SDCCAG8: variants seen among roughly 807,000 people sequenced by gnomAD.
SDCCAG8 encodes the protein serologically defined colon cancer antigen 8.
A neutral mutation model predicts 101.8 loss-of-function variants in SDCCAG8; 74 were observed. The ratio of observed to expected loss-of-function variants is 0.73; its 90% CI spans 0.60 to 0.88. The LOEUF is 0.88. SDCCAG8 is among the 40% of genes least tolerant of loss of function. The probability of loss-of-function intolerance (pLI) is 0.00; values close to 1 mark genes in which losing one functional copy is unlikely to be tolerated. For synonymous variants in SDCCAG8, 281 were observed against 292.9 expected (o/e 0.96, Z 0.41); for missense variants, 787 against 822.6 (o/e 0.96, Z 0.53).
At chr1:243,394,625 AG>A (rs2078924863) in intron 13 of SDCCAG8, among the ~76,000 whole-genome samples, 1 of 152,244 alleles carries the variant, frequency 6.6e-6, no homozygotes, top group Non-Finnish European at 1.5e-5. Flanking sequence ...TTAGAAAAAC[AG>A]AACTGCAAGT....
intron 16 of SDCCAG8, among the ~76,000 whole-genome samples, chr1:243,483,088 C>G (rs759449916): frequency 2.0e-5 from 3 of 152,220 alleles, no homozygotes; most frequent in Non-Finnish European, 4.4e-5. Context: ...TGCACTCTCT[C>G]AAAACGACAG....
intron 6 of SDCCAG8, among the ~76,000 whole-genome samples, chr1:243,296,332 C>G (rs1252673628): frequency 6.6e-6 from 1 of 152,058 alleles, no homozygotes; most frequent in African/African-American, 2.4e-5. Flanking sequence ...TCTTTAATAG[C>G]TCCCATAAAG....
chr1:243,267,104 G>A (rs940279167), intron 1 of SDCCAG8, among the ~76,000 whole-genome samples: 1 of 152,014 alleles, frequency 6.6e-6, no homozygotes, highest in African/African-American at 2.4e-5. Flanking sequence ...TTAGCTGCGC[G>A]TGGTGGCGTG....
chr1:243,385,558 C>T (rs187325246), intron 13 of SDCCAG8, among the ~76,000 whole-genome samples: 5 of 152,080 alleles, frequency 3.3e-5, no homozygotes, highest in African/African-American at 9.7e-5. Context: ...AAGGGCATTC[C>T]GTGTAGGGGA....
At chr1:243,459,522 G>A (rs1658606220) in intron 16 of SDCCAG8, among the ~76,000 whole-genome samples, 1 of 152,092 alleles carries the variant, frequency 6.6e-6, no homozygotes, top group Non-Finnish European at 1.5e-5. Context: ...GTGGGGGGTG[G>A]AAATAATTGT....
At chr1:243,295,936 G>T (rs988563746) in intron 6 of SDCCAG8, among the ~76,000 whole-genome samples, 3 of 151,954 alleles carry the variant, frequency 2.0e-5, no homozygotes, top group Non-Finnish European at 4.4e-5. Flanking sequence ...TTTTCCAAGG[G>T]TTTCATTCTG....
Position 243,330,548 on chromosome 1 carries a change from C to G in SDCCAG8, c.1077C>G (p.Ile359Met). Reference sequence around the variant, plus strand: ...CTGTTCTATCCTGGCAGGCTTTAATCCAGTGTGACCAGTTGAGGAAGGAGC... The same window carrying G: ...CTGTTCTATCCTGGCAGGCTTTAATGCAGTGTGACCAGTTGAGGAAGGAGC... Reference protein sequence around the residue: ...EANFEKTKALIQCDQLRKELE... With the variant: ...EANFEKTKALMQCDQLRKELE... Residue 359 changes from isoleucine to methionine, a missense_variant, in exon 10 of 18, where the codon ATC becomes ATG. Ile to Met is a conservative substitution (Grantham distance 10). Transcript: ENST00000366541. 6.2e-7 allele frequency: 1 copy of G among 1,614,024 alleles called. No individual in the cohort carries two copies. The highest frequency in any genetic ancestry group is 8.5e-7 in the Non-Finnish European group (1 of 1,179,970).
intron 15 of SDCCAG8, among the ~76,000 whole-genome samples, chr1:243,422,082 C>G (rs929355871): frequency 1.4e-4 from 21 of 152,186 alleles, no homozygotes. Context: ...TAGCTTCCAC[C>G]TCTTGCACAC....
intron 12 of SDCCAG8, among the ~76,000 whole-genome samples, chr1:243,373,602 C>T (rs946501372): frequency 2.0e-5 from 3 of 152,054 alleles, no homozygotes; most frequent in African/African-American, 7.2e-5. Context: ...AAAGGGGCAG[C>T]GGCTACCCAG....
At chr1:243,449,238 T>C (rs1038992327) in intron 16 of SDCCAG8, among the ~76,000 whole-genome samples, 1 of 152,230 alleles carries the variant, frequency 6.6e-6, no homozygotes, top group Admixed American at 6.5e-5. Context: ...TCATGCTTAA[T>C]GGAGCGACTT....
chr1:243,275,037 G>T (rs1558218723), intron 4 of SDCCAG8, among the ~76,000 whole-genome samples: 1 of 152,234 alleles, frequency 6.6e-6, no homozygotes, highest in East Asian at 1.9e-4. Flanking sequence ...CAGCAATCAG[G>T]GATTCTAAAC....
intron 17 of SDCCAG8, among the ~76,000 whole-genome samples, chr1:243,494,104 A>AT (rs1667231262): frequency 6.6e-6 from 1 of 152,242 alleles, no homozygotes; most frequent in South Asian, 2.1e-4. Context: ...TGGCGCTTGA[A>AT]TAGAACAGCA....
chr1:243,450,562 T>C (rs1574111696), intron 16 of SDCCAG8, among the ~76,000 whole-genome samples: 1 of 152,394 alleles, frequency 6.6e-6, no homozygotes, highest in East Asian at 1.9e-4. Context: ...ATTCTAGCGT[T>C]GCTAGCCCCT....
intron 16 of SDCCAG8, among the ~76,000 whole-genome samples, chr1:243,433,801 G>A (rs2081958288): frequency 6.6e-6 from 1 of 152,134 alleles, no homozygotes; most frequent in African/African-American, 2.4e-5. Flanking sequence ...CCGAGTATAG[G>A]TGTTTTTGTC....
chr1:243,267,961 G>C, intron 1 of SDCCAG8: 1 of 784,688 alleles, frequency 1.3e-6, no homozygotes, highest in Non-Finnish European at 2.4e-6. Context: ...AAAATAATCA[G>C]GAAAGGTGTT....
chr1:243,446,605 G>T (rs541963560), intron 16 of SDCCAG8, among the ~76,000 whole-genome samples: 42 of 152,296 alleles, frequency 2.8e-4, no homozygotes, highest in Non-Finnish European at 5.0e-4. Context: ...GGAGGCAGAA[G>T]AAAGGGAACT....
chr1:243,448,039 G>C (rs2083067820), intron 16 of SDCCAG8, among the ~76,000 whole-genome samples: 1 of 152,154 alleles, frequency 6.6e-6, no homozygotes, highest in East Asian at 1.9e-4. Context: ...ATAGCATAGT[G>C]TGCAGCAGGA....
chr1:243,494,452 A>T (rs1434355917), intron 17 of SDCCAG8, among the ~76,000 whole-genome samples: 2 of 152,336 alleles, frequency 1.3e-5, no homozygotes, highest in Non-Finnish European at 2.9e-5. Context: ...GAGTGTTTTT[A>T]AAAAATGACA....
At chr1:243,274,504 T>G in intron 3 of SDCCAG8, 39 bp from the exon 4 acceptor site, 1 of 1,207,402 alleles carries the variant, frequency 8.3e-7, no homozygotes. Context: ...TTTTAAAATT[T>G]ATGTATTTAT....
Sources: allele counts gnomAD v4.1 joint callset (sites outside exome capture counted in the v4.1 genomes callset), GRCh38; gene constraint gnomAD v4.1.1; transcripts MANE v1.5; gene names NCBI Gene and HGNC (gene_info 2026-07-23, HGNC 2026-07-21).